The following PREX2 variants were observed in gnomAD, a reference collection of about 807,000 sequenced individuals.
The protein encoded by PREX2 is phosphatidylinositol 3,4,5-trisphosphate-dependent Rac exchanger 2 protein.
Under a neutral mutation model 203.2 loss-of-function variants are expected in PREX2, and 107 were observed. That is an observed-to-expected ratio of 0.53 (90% confidence interval 0.45 to 0.62). The LOEUF (loss-of-function observed/expected upper bound fraction) is 0.62, where lower values mean the gene tolerates loss of function less well. Ranked by LOEUF, PREX2 falls within the 20% of genes least tolerant of loss-of-function variation. PREX2 has a pLI of 0.00. For missense variants in PREX2, 1,777 were observed against 1,955.9 expected, an observed-to-expected ratio of 0.91 and a Z score of 1.72; for synonymous variants, 672 against 663.6, an observed-to-expected ratio of 1.01 and a Z score of -0.19.
intron 18 of PREX2, among the ~76,000 whole-genome samples, chr8:68,086,590 A>G (rs1248170261): frequency 6.6e-6 from 1 of 152,108 alleles, no homozygotes; most frequent in Non-Finnish European, 1.5e-5. Context: ...TTGTATTGTT[A>G]TGATGTTCCC....
chr8:68,157,681 G>C (rs1811567953), intron 35 of PREX2, among the ~76,000 whole-genome samples: 1 of 152,074 alleles, frequency 6.6e-6, no homozygotes, highest in African/African-American at 2.4e-5. Flanking sequence ...GAGATAAAGA[G>C]AAGGGGTTAA....
intron 30 of PREX2, 83 bp downstream of exon 30, chr8:68,121,132 C>T: frequency 7.2e-7 from 1 of 1,397,992 alleles, no homozygotes; most frequent in Non-Finnish European, 9.9e-7. Context: ...TTGGTAATGC[C>T]TGATTATTTT....
At chr8:68,179,758 A>T (rs1812050049) in intron 35 of PREX2, among the ~76,000 whole-genome samples, 1 of 152,174 alleles carries the variant, frequency 6.6e-6, no homozygotes, top group Non-Finnish European at 1.5e-5. Context: ...GAAATAATTG[A>T]CTGAAAGTAT....
chr8:68,197,964 G>A (rs745328094), intron 37 of PREX2, among the ~76,000 whole-genome samples: 1 of 151,718 alleles, frequency 6.6e-6, no homozygotes, highest in Non-Finnish European at 1.5e-5. Context: ...CTACAGAGCG[G>A]CATCTTTCTA....
chr8:68,210,568 G>T (rs1157408022), intron 37 of PREX2, among the ~76,000 whole-genome samples: 3 of 152,198 alleles, frequency 2.0e-5, no homozygotes, highest in African/African-American at 7.2e-5. Context: ...TCATTTCATT[G>T]TGAGTTACTG....
At chr8:67,971,136 G>A (rs4737869) in intron 1 of PREX2, among the ~76,000 whole-genome samples, 66,244 of 151,846 alleles carry the variant, frequency 0.44, 15,087 homozygotes, top group East Asian at 0.6. Flanking sequence ...GGTAGTTTAG[G>A]ACTAATTAGT....
chr8:68,136,644 T>G (rs1253460927), intron 32 of PREX2, among the ~76,000 whole-genome samples: 2 of 152,200 alleles, frequency 1.3e-5, no homozygotes, highest in African/African-American at 4.8e-5. Flanking sequence ...GGTCATGACA[T>G]TTTTTTGCTG....
intron 1 of PREX2, among the ~76,000 whole-genome samples, chr8:68,005,729 GTA>G (rs1262860574): frequency 6.6e-6 from 1 of 152,044 alleles, no homozygotes; most frequent in Non-Finnish European, 1.5e-5. Context: ...TTTCTTCGTA[GTA>G]TGTACCACCA....
At chr8:68,040,395 C>T (rs913736268) in intron 7 of PREX2, among the ~76,000 whole-genome samples, 2 of 152,094 alleles carry the variant, frequency 1.3e-5, no homozygotes, top group Admixed American at 6.6e-5. Flanking sequence ...TCCTGCCTGC[C>T]TCTCACATCA....
chr8:68,225,303 A>G (rs1813036918), intron 39 of PREX2, among the ~76,000 whole-genome samples: 1 of 152,196 alleles, frequency 6.6e-6, no homozygotes, highest in Admixed American at 6.5e-5. Flanking sequence ...AAATATTTAC[A>G]GTTCACACAG....
intron 32 of PREX2, among the ~76,000 whole-genome samples, chr8:68,135,764 T>A (rs975929443): frequency 4.6e-5 from 7 of 152,144 alleles, no homozygotes; most frequent in Non-Finnish European, 8.8e-5. Context: ...TCACACAAAA[T>A]CTTGTATGCA....
At chr8:68,105,358 T>C in intron 23 of PREX2, 1 of 1,365,914 alleles carries the variant, frequency 7.3e-7, no homozygotes, top group Non-Finnish European at 9.8e-7. Context: ...AGGGCCCCTG[T>C]CTGATTCTTA....
At chr8:68,139,339 A>G (rs1811175128) in intron 33 of PREX2, among the ~76,000 whole-genome samples, 1 of 152,134 alleles carries the variant, frequency 6.6e-6, no homozygotes, top group Non-Finnish European at 1.5e-5. Flanking sequence ...GCAGTGTCCC[A>G]GGCTCACTGG....
intron 34 of PREX2, among the ~76,000 whole-genome samples, chr8:68,156,310 C>T (rs1323503737): frequency 6.6e-6 from 1 of 152,162 alleles, no homozygotes; most frequent in Non-Finnish European, 1.5e-5. Context: ...AATGATCCAC[C>T]AGCCTTGGCT....
At chr8:68,227,780 T>A (rs560808042) in intron 39 of PREX2, among the ~76,000 whole-genome samples, 1 of 152,188 alleles carries the variant, frequency 6.6e-6, no homozygotes, top group Non-Finnish European at 1.5e-5. Flanking sequence ...GGAGAGTGAA[T>A]ATAATAATTT....
At chr8:68,030,395 G>A in intron 5 of PREX2, 102 bp from the exon 6 acceptor site, 2 of 1,012,134 alleles carry the variant, frequency 2.0e-6, no homozygotes, top group South Asian at 4.4e-5. Context: ...TTATGGAAGT[G>A]GCTCTCATGA....
chr8:67,983,894 GCATCATA>G lies in PREX2; in HGVS notation c.141+31360_141+31366del, dbSNP rs1334134544. Among the ~76,000 whole-genome samples, 10 of 152,280 alleles carry G rather than the reference GCATCATA, an allele frequency of 6.6e-5. No individual in the cohort carries two copies. In the South Asian group the frequency reaches 1.7e-3, roughly 25 times the overall value. On this transcript the variant is annotated intron_variant, in intron 1 of 39. Transcript: ENST00000288368. ...TAAGATGGGGATGATATTGGTCCCA[GCATCATA>G]GGGTTGCTGTGAAGATTGAGGTGAT...
intron 8 of PREX2, among the ~76,000 whole-genome samples, chr8:68,050,841 A>C (rs1224117148): frequency 6.6e-6 from 1 of 152,160 alleles, no homozygotes; most frequent in African/African-American, 2.4e-5. Flanking sequence ...CTTGATGAGA[A>C]ACTCAGTCTG....
intron 6 of PREX2, among the ~76,000 whole-genome samples, chr8:68,031,603 CT>C (rs1807882997): frequency 2.0e-5 from 3 of 152,178 alleles, no homozygotes; most frequent in Admixed American, 2.0e-4. Flanking sequence ...CCGTTTGTCC[CT>C]TCTCTCCTGT....
Sources: allele counts gnomAD v4.1 joint callset (sites outside exome capture counted in the v4.1 genomes callset), GRCh38; gene constraint gnomAD v4.1.1; transcripts MANE v1.5; gene names NCBI Gene and HGNC (gene_info 2026-07-23, HGNC 2026-07-21).